TRMT1: variants seen among roughly 807,000 people sequenced by gnomAD.
TRMT1 encodes tRNA (guanine(26)-N(2))-dimethyltransferase.
In TRMT1, 63 loss-of-function variants were observed where a neutral mutation model predicts 75.4. The ratio of observed to expected loss-of-function variants is 0.84; its 90% CI spans 0.68 to 1.03. TRMT1 has a LOEUF of 1.03. TRMT1 is among the 50% of genes least tolerant of loss of function. The pLI is 0.00. For missense variants in TRMT1, 870 were observed against 905.3 expected (o/e 0.96, Z 0.50); for synonymous variants, 382 against 358.1 (o/e 1.07, Z -0.75).
At chr19:13,105,916 G>C (rs1568357300) in intron 14 of TRMT1, among the ~76,000 whole-genome samples, 1 of 152,046 alleles carries the variant, frequency 6.6e-6, no homozygotes. Context: ...ACAAAAATTA[G>C]CCAGGCGTGG....
intron 3 of TRMT1, 42 bp downstream of exon 3, chr19:13,115,955 T>C (rs1366807305): frequency 6.2e-7 from 1 of 1,613,696 alleles, no homozygotes; most frequent in South Asian, 1.1e-5. Flanking sequence ...GGAGATAAAC[T>C]TGTGTGACCC....
At chr19:13,110,851 G>A (rs191253232) in intron 7 of TRMT1, among the ~76,000 whole-genome samples, 23 of 152,270 alleles carry the variant, frequency 1.5e-4, no homozygotes, top group Admixed American at 4.6e-4. Context: ...TAGGGAGGCC[G>A]AGGCAGGAGA....
chr19:13,108,347 A>G (rs1038787175), intron 12 of TRMT1, among the ~76,000 whole-genome samples: 3 of 151,054 alleles, frequency 2.0e-5, no homozygotes, highest in Non-Finnish European at 4.4e-5. Flanking sequence ...CTGGTGTGCA[A>G]TGATGCAATC....
In TRMT1 at chr19:13,116,230, AC is replaced by A; in HGVS notation, c.169del (p.Val57SerfsTer28). 1 of 1,614,172 alleles carries A rather than the reference AC, an allele frequency of 6.2e-7. No homozygotes were observed. On this transcript the variant is annotated frameshift_variant, in exon 2 of 17. Transcript: ENST00000357720. LOFTEE classifies it high-confidence loss of function. ...ERPREVQETT[V>X]TEGAAKIAFP... ...GGCGATTTTGGCAGCCCCCTCGGTG[AC>A]TGTCGTCTCCTGGACTTCACGTGGA...
Position 13,109,649 on chromosome 19 carries a change from G to A in TRMT1, c.1212C>T (p.Asp404=). 6.2e-7 allele frequency: 1 copy of A among 1,614,004 alleles called. No homozygotes were observed. The highest frequency in any genetic ancestry group is 8.5e-7 in the Non-Finnish European group (1 of 1,180,016). The change falls in exon 11 of 17, where the codon GAC becomes GAT. Residue 404 remains aspartate (D), a synonymous_variant. Transcript: ENST00000357720. ...CCAGGACACGGCCCACAAAATCCAG[G>A]TCATGGATGGGCTCTGCCCACATGG... ...GGPMWAEPIH[D]LDFVGRVLEA... is the part of the protein sequence containing the mutation.
Position 13,112,715 on chromosome 19 carries a change from C to A in TRMT1, c.860G>T (p.Cys287Phe). 1 of 1,611,872 alleles carries A rather than the reference C, an allele frequency of 6.2e-7. No homozygotes were observed. The highest frequency in any genetic ancestry group is 8.5e-7 in the Non-Finnish European group (1 of 1,179,822). The change falls in exon 7 of 17, where the codon TGC becomes TTC. Residue 287 changes from cysteine (C) to phenylalanine (F), a missense_variant. Transcript: ENST00000357720. Reference protein sequence around the residue: ...YGAMALKSRACHEMALRIVLH... With the variant: ...YGAMALKSRAFHEMALRIVLH... Reference sequence around the variant, plus strand: ...CAGAGGGCCCCTCACCATCTCGTGGCAGGCCCGGCTCTTGAGGGCCATGGC... The same window carrying A: ...CAGAGGGCCCCTCACCATCTCGTGGAAGGCCCGGCTCTTGAGGGCCATGGC...
At chr19:13,107,039 T>C (rs1227984895) in intron 14 of TRMT1, among the ~76,000 whole-genome samples, 1 of 146,730 alleles carries the variant, frequency 6.8e-6, no homozygotes, top group African/African-American at 2.5e-5. Context: ...GGTTTCACTG[T>C]GTTAGCCAGG....
intron 5 of TRMT1, among the ~76,000 whole-genome samples, 171 bp from the exon 6 acceptor site, chr19:13,113,182 C>T (rs892747935): frequency 1.5e-4 from 23 of 152,174 alleles, no homozygotes; most frequent in African/African-American, 1.9e-4. Context: ...ATTTTTGAGT[C>T]GGAGTCTTGC....
Position 13,112,954 on chromosome 19 carries a change from G to A in TRMT1, c.699C>T (p.Asp233=), listed in dbSNP as rs1471469849. 1.2e-6 allele frequency: 2 copies of A among 1,613,824 alleles called. No homozygotes were observed. The highest frequency in any genetic ancestry group is 1.7e-6 in the Non-Finnish European group (2 of 1,179,944). Residue 233 remains aspartate, a synonymous_variant, in exon 6 of 17, where the codon GAC becomes GAT. Transcript: ENST00000357720. ...GGAAGGTGGCTGGGCTGCCATAGGGGTCCAGATCGATGACGTCAAACCTCT... is the reference window on the plus strand; with the variant it reads ...GGAAGGTGGCTGGGCTGCCATAGGGATCCAGATCGATGACGTCAAACCTCT... ...VSERFDVIDL[D]PYGSPATFLD...
In TRMT1 at chr19:13,109,651, C is replaced by A. The variant is rs755300048; in HGVS notation, c.1210G>T (p.Asp404Tyr). The change falls in exon 11 of 17, where the codon GAC becomes TAC. Residue 404 changes from aspartate (D) to tyrosine (Y), a missense_variant. Physicochemically the swap from Asp to Tyr is radical, Grantham distance 160. Transcript: ENST00000357720. ...GGPMWAEPIH[D>Y]LDFVGRVLEA... is the part of the protein sequence containing the mutation. ...AGGACACGGCCCACAAAATCCAGGT[C>A]ATGGATGGGCTCTGCCCACATGGGG... 1 of 1,614,024 alleles carries A rather than the reference C, an allele frequency of 6.2e-7. No homozygotes were observed. The highest frequency in any genetic ancestry group is 2.2e-5 in the East Asian group (1 of 44,864).
Position 13,109,607 on chromosome 19 carries a change from G to C in TRMT1, c.1254C>G (p.Asn418Lys). 1 of 1,613,996 alleles carries C rather than the reference G, an allele frequency of 6.2e-7. No individual in the cohort carries two copies. The highest frequency in any genetic ancestry group is 8.5e-7 in the Non-Finnish European group (1 of 1,179,994). ...GCTCCGAGGTGTGGAAGCGGCCGGG[G>C]TTAGCGCTCACAGCCTCCAGGACAC... ...VGRVLEAVSA[N>K]PGRFHTSERI... The change falls in exon 11 of 17, where the codon AAC (asparagine) becomes AAG (lysine). Residue 418 changes from asparagine to lysine, a missense_variant. Transcript: ENST00000357720.
rs1250217644 is a variant in TRMT1, at chr19:13,105,619, G to C, written c.1584-13C>G. On this transcript the variant is annotated splice_polypyrimidine_tract_variant and intron_variant, in intron 14 of 16. Transcript: ENST00000357720. ...GTTGGCCTGCAGCCTAGGGAAGCAG[G>C]GGTGGGGCGTTGGGGCTGGGGGAAG... The C allele has an allele frequency of 6.2e-7, 1 of 1,609,334 alleles. No homozygotes were observed. The highest frequency in any genetic ancestry group is 1.1e-5 in the South Asian group (1 of 90,700).
At chr19:13,114,876 G>C (rs1368317181) in intron 5 of TRMT1, among the ~76,000 whole-genome samples, 2 of 152,120 alleles carry the variant, frequency 1.3e-5, no homozygotes, top group East Asian at 3.8e-4. Flanking sequence ...AACAAAAAAA[G>C]GCTGTGAGCC....
intron 4 of TRMT1, 68 bp from the exon 5 acceptor site, chr19:13,115,534 C>G: frequency 6.3e-7 from 1 of 1,598,498 alleles, no homozygotes; most frequent in Non-Finnish European, 8.5e-7. Flanking sequence ...CCAAGGAGCC[C>G]CCACCACCCA....
rs755181260 is a variant in TRMT1 at position 13,115,428 on chromosome 19, G to A, written c.492C>T (p.Gly164=). 3.1e-6 allele frequency: 5 copies of A among 1,613,748 alleles called. No homozygotes were observed. In the East Asian group the frequency reaches 8.9e-5, roughly 29 times the overall value. The stretch of plus-strand genomic sequence containing the variant: ...CTAGGGCAAATCGAATGGAACGTAG[G>A]CCTGAAGCTGCCAGGCCTTCCAGCA... The part of the protein sequence containing the change: ...LHVLEGLAAS[G]LRSIRFALEV... Residue 164 remains glycine, a synonymous_variant, in exon 5 of 17, where the codon GGC becomes GGT. Coordinates refer to ENST00000357720, the MANE Select transcript of TRMT1 (RefSeq NM_001136035.4).
At chr19:13,107,130 C>T (rs2018911235) in intron 14 of TRMT1, among the ~76,000 whole-genome samples, 1 of 148,436 alleles carries the variant, frequency 6.7e-6, no homozygotes, top group Non-Finnish European at 1.5e-5. Context: ...GCCACCGCAC[C>T]CAGCTATTTT....
chr19:13,113,114 C>CG lies in TRMT1; in HGVS notation c.642-104dup, dbSNP rs58284382. The CG allele has an allele frequency of 3.0e-3, 2,057 of 684,732 alleles. 36 individuals carry two copies. In the African/African-American group the frequency reaches 0.035, roughly 12 times the overall value. The allele number at this position is 684,732 out of a possible 1,614,324, so 42.4% of individuals were successfully genotyped here. Reference sequence around the variant, plus strand: ...AGCACAGTGGTTTGGGTCTGAACTCCGGGGCCAGATTCCCAAGTTCAAGTC... The same window carrying CG: ...AGCACAGTGGTTTGGGTCTGAACTCCGGGGGCCAGATTCCCAAGTTCAAGTC... On this transcript the variant is annotated intron_variant, in intron 5 of 16. Coordinates refer to ENST00000357720, the MANE Select transcript of TRMT1 (RefSeq NM_001136035.4).
intron 3 of TRMT1, 63 bp downstream of exon 3, chr19:13,115,934 A>G (rs1396365783): frequency 6.2e-7 from 1 of 1,612,946 alleles, no homozygotes; most frequent in Non-Finnish European, 8.5e-7. Context: ...GCGGCAGAAG[A>G]GCCCAGGCAG....
intron 14 of TRMT1, among the ~76,000 whole-genome samples, chr19:13,105,993 C>T (rs991026840): frequency 1.3e-5 from 2 of 151,912 alleles, no homozygotes; most frequent in Non-Finnish European, 2.9e-5. Context: ...ACCTGGGAGG[C>T]GGAGGTTGCA....
Sources: gnomAD v4.1 joint callset for allele counts (sites outside exome capture counted in the v4.1 genomes callset) on GRCh38, gnomAD v4.1.1 for gene constraint, MANE v1.5 for transcripts, NCBI Gene and HGNC (gene_info 2026-07-23, HGNC 2026-07-21) for gene names.